Variants in UGT1A6 observed in about 807,000 individuals in gnomAD.
UGT1A6 encodes UDP glucuronosyltransferase family 1 member A6.
UGT1A6 carries 32 observed loss-of-function variants against 44.4 expected under a neutral mutation model. The observed-to-expected ratio is 0.72, with a 90% confidence interval of 0.54 to 0.97. The LOEUF (loss-of-function observed/expected upper bound fraction) is 0.97. Among genes scored for constraint, UGT1A6 ranks in the 50% least tolerant of loss-of-function variants. The pLI is 0.00. For synonymous variants in UGT1A6, 238 were observed against 248.5 expected, an observed-to-expected ratio of 0.96 and a Z score of 0.40; for missense variants, 685 against 661.9, an observed-to-expected ratio of 1.03 and a Z score of -0.38.
rs1450020479 is a variant in UGT1A6, at chr2:233,719,077, A to G, written c.861+25212A>G. ...ACAGCCTATGCTGTTCCATGGACCC[A>G]GAAGGAATTTGATCGCGTTACGCTG... On this transcript the variant is annotated intron_variant, in intron 1 of 4. Transcript: ENST00000305139. The G allele has an allele frequency of 3.3e-5, 54 of 1,614,166 alleles. No individual in the cohort carries two copies. The highest frequency in any genetic ancestry group is 4.4e-5 in the Non-Finnish European group (52 of 1,180,062).
Position 233,769,482 on chromosome 2 carries a change from T to A in UGT1A6, c.1301+1043T>A. On this transcript the variant is annotated intron_variant, in intron 4 of 4. Coordinates refer to ENST00000305139, the MANE Select transcript of UGT1A6 (RefSeq NM_001072.4). The surrounding 1 kb of genome is among the most constrained non-coding windows in gnomAD (Gnocchi z 4.4). Reference sequence around the variant, plus strand: ...TCATATGCGTGTGTGTGTGTGTGCGTGTGTTTATGAGAGTGTCCATTGCTT... The same window carrying A: ...TCATATGCGTGTGTGTGTGTGTGCGAGTGTTTATGAGAGTGTCCATTGCTT... The A allele has an allele frequency of 6.2e-7, 1 of 1,611,750 alleles. No homozygotes were observed.
At chr2:233,724,269 CGGCTGGCCGGGCGGGG>C (rs2077201800) in intron 1 of UGT1A6, among the ~76,000 whole-genome samples, 1 of 124,806 alleles carries the variant, frequency 8.0e-6, no homozygotes, top group Non-Finnish European at 1.7e-5. Flanking sequence ...CCGGACGGGG[CGGCTGGCCGGGCGGGG>C]GGCTGACCCC....
chr2:233,767,812 T>G, intron 2 of UGT1A6, 37 bp from the exon 3 acceptor site: 9 of 1,614,150 alleles, frequency 5.6e-6, no homozygotes, highest in Non-Finnish European at 7.6e-6. Flanking sequence ...TCATATTATG[T>G]TCTTTCTTTA....
At chr2:233,723,643 A>G in intron 1 of UGT1A6, among the ~76,000 whole-genome samples, 1 of 102,338 alleles carries the variant, frequency 9.8e-6, no homozygotes, top group Non-Finnish European at 1.9e-5. Context: ...AAGTGAACAA[A>G]GGTCTCTGGT....
At chr2:233,743,412 T>G in intron 1 of UGT1A6, 4 of 1,321,888 alleles carry the variant, frequency 3.0e-6, no homozygotes, top group Non-Finnish European at 3.0e-6. Flanking sequence ...GGCCCCCACT[T>G]CCCAGGGAGC....
At chr2:233,712,755 G>C (rs28898599) in intron 1 of UGT1A6, among the ~76,000 whole-genome samples, 48 of 152,176 alleles carry the variant, frequency 3.2e-4, no homozygotes, top group Admixed American at 2.4e-3. Flanking sequence ...TCCCCAGAGC[G>C]AGCGCAAGGT....
At chr2:233,730,253 A>G (rs1350953092) in intron 1 of UGT1A6, among the ~76,000 whole-genome samples, 3 of 152,152 alleles carry the variant, frequency 2.0e-5, no homozygotes, top group Non-Finnish European at 4.4e-5. Context: ...TGTGACTCAT[A>G]GAGACTGTTG....
intron 1 of UGT1A6, among the ~76,000 whole-genome samples, chr2:233,699,007 A>G (rs575733122): frequency 6.6e-6 from 1 of 152,240 alleles, no homozygotes; most frequent in Non-Finnish European, 1.5e-5. Context: ...CTGTAAGAAC[A>G]TGAGAGGCTG....
chr2:233,718,647 A>G, intron 1 of UGT1A6: 1 of 1,497,740 alleles, frequency 6.7e-7, no homozygotes, highest in Non-Finnish European at 8.9e-7. Flanking sequence ...TTGGGCCCAT[A>G]ACGAAAGGCA....
At chr2:233,713,754 T>C (rs2076343281) in intron 1 of UGT1A6, 1 of 1,613,886 alleles carries the variant, frequency 6.2e-7, no homozygotes, top group African/African-American at 1.3e-5. Context: ...TGCATCTGTG[T>C]GGCTGTTCCG....
At chr2:233,747,945 G>C in intron 1 of UGT1A6, 1 of 1,613,482 alleles carries the variant, frequency 6.2e-7, no homozygotes, top group African/African-American at 1.3e-5. Flanking sequence ...GGAGGTGTCA[G>C]TGGTGGATCT....
intron 1 of UGT1A6, among the ~76,000 whole-genome samples, chr2:233,717,231 A>C (rs2076558649): frequency 6.6e-6 from 1 of 152,160 alleles, no homozygotes; most frequent in African/African-American, 2.4e-5. Flanking sequence ...GAGGGTTCTT[A>C]AGATGCAGAC....
intron 1 of UGT1A6, among the ~76,000 whole-genome samples, chr2:233,700,609 T>G (rs901361288): frequency 9.9e-5 from 15 of 152,150 alleles, no homozygotes; most frequent in Non-Finnish European, 7.4e-5. Context: ...ACTCTTTTTT[T>G]GGGGGGGTTC....
intron 1 of UGT1A6, chr2:233,713,873 C>A: frequency 1.2e-6 from 2 of 1,613,734 alleles, no homozygotes; most frequent in African/African-American, 1.3e-5. Flanking sequence ...GTATTGGTGC[C>A]TTTATCCAAT....
At chr2:233,713,026 T>G in intron 1 of UGT1A6, 1 of 1,613,848 alleles carries the variant, frequency 6.2e-7, no homozygotes, top group Non-Finnish European at 8.5e-7. Context: ...CTGCCGCAGC[T>G]GGCCACAGGA....
At chr2:233,715,608 C>T (rs944774331) in intron 1 of UGT1A6, among the ~76,000 whole-genome samples, 2 of 151,816 alleles carry the variant, frequency 1.3e-5, no homozygotes, top group Non-Finnish European at 2.9e-5. Flanking sequence ...TCCATCTCTA[C>T]AAAAAATTAA....
chr2:233,710,734 T>C (rs1299004850), intron 1 of UGT1A6, among the ~76,000 whole-genome samples: 1 of 152,216 alleles, frequency 6.6e-6, no homozygotes, highest in Non-Finnish European at 1.5e-5. Flanking sequence ...AACAACGTCT[T>C]TCAAGGAGCA....
chr2:233,741,276 T>C (rs752081250), intron 1 of UGT1A6, among the ~76,000 whole-genome samples: 1 of 151,850 alleles, frequency 6.6e-6, no homozygotes, highest in Non-Finnish European at 1.5e-5. Flanking sequence ...CACTGAACAA[T>C]GGGATTTATG....
chr2:233,738,458 G>A (rs1690791213), intron 1 of UGT1A6, among the ~76,000 whole-genome samples: 1 of 152,228 alleles, frequency 6.6e-6, no homozygotes, highest in South Asian at 2.1e-4. Context: ...GAAGATGTGG[G>A]AAAGTTTGGA....
Sources: gnomAD v4.1 joint callset for allele counts (sites outside exome capture counted in the v4.1 genomes callset) on GRCh38, gnomAD v4.1.1 for gene constraint, Gnocchi (gnomAD v3.1) non-coding constraint, MANE v1.5 for transcripts, NCBI Gene and HGNC (gene_info 2026-07-23, HGNC 2026-07-21) for gene names.